Variants in TASOR observed in about 807,000 individuals in gnomAD.
TASOR encodes the protein transcription activation suppressor, also known as protein TASOR.
Under a neutral mutation model 178.6 loss-of-function variants are expected in TASOR, and 53 were observed. That is an observed-to-expected ratio of 0.30 (90% CI 0.24 to 0.37). The LOEUF (loss-of-function observed/expected upper bound fraction) is 0.37, where lower values mean the gene tolerates loss of function less well. Among genes scored for constraint, TASOR ranks in the 10% least tolerant of loss-of-function variants. TASOR has a pLI of 1.00. For synonymous variants in TASOR, 713 were observed against 696.2 expected (o/e 1.02, Z -0.38); for missense variants, 1,815 against 1,971.4 (o/e 0.92, Z 1.50).
At position 56,633,507 on chromosome 3, in the gene TASOR, T is replaced by G. The variant is rs768319256; in HGVS notation, c.3284A>C (p.Lys1095Thr). Residue 1095 changes from lysine (K) to threonine (T), a missense_variant, in exon 18 of 24, where the codon AAG becomes ACG. Physicochemically the swap from Lys to Thr is moderately conservative, Grantham distance 78 (BLOSUM62 -1). Transcript: ENST00000683822. ...LNTIIIKASA[K>T]GGNLPPVSPN... The stretch of plus-strand genomic sequence containing the variant: ...ACTGACTGGTGGCAAATTCCCACCC[T>G]TGGCTGATGCTTTAATAATAATAGT... 6.2e-7 allele frequency: 1 copy of G among 1,614,202 alleles called. No homozygotes were observed.
rs574025944 is a variant in TASOR at position 56,642,022 on chromosome 3, GT to G, written c.2216-271del. ...CTCATGCATTAGGTTTTAAATATGT[GT>G]ATTAATAACTACCATCAAAATCTCA... On this transcript the variant is annotated intron_variant, in intron 14 of 23. Transcript: ENST00000683822. Among the ~76,000 whole-genome samples the G allele has an allele frequency of 1.7e-3, 265 of 152,240 alleles. 1 individual carries two copies. Among genetic ancestry groups the G allele is most frequent in the Non-Finnish European group, 2.7e-3 (184 of 68,028 alleles).
chr3:56,649,502 C>T (rs922644142), intron 11 of TASOR, among the ~76,000 whole-genome samples: 1 of 152,212 alleles, frequency 6.6e-6, no homozygotes, highest in Non-Finnish European at 1.5e-5. Flanking sequence ...CATAATCTAA[C>T]TGCACACATA....
At chr3:56,635,193 C>T (rs754938634) in intron 17 of TASOR, among the ~76,000 whole-genome samples, 1 of 152,206 alleles carries the variant, frequency 6.6e-6, no homozygotes, top group African/African-American at 2.4e-5. Flanking sequence ...TGGTGGTTAT[C>T]ATGAACCAGT....
At position 56,683,225 on chromosome 3, in the gene TASOR, G is replaced by A. The variant is rs1361302195; in HGVS notation, c.-219C>T. ...CGGTCCTCGGAGCCGCTCCTCCCTC[G>A]GGCAGTTCTTCTGCCTTCCCCCGCC... On this transcript the variant is annotated 5_prime_UTR_variant, in exon 1 of 24. Coordinates refer to ENST00000683822, the MANE Select transcript of TASOR (RefSeq NM_001365635.2). The A allele has an allele frequency of 6.1e-6, 3 of 488,556 alleles. No homozygotes were observed. Among genetic ancestry groups the A allele is most frequent in the Non-Finnish European group, 1.1e-5 (3 of 280,886 alleles). 30.3% of individuals were successfully genotyped at this position (488,556 alleles called of 1,614,324 possible).
At chr3:56,627,179 A>C in intron 20 of TASOR, 34 bp from the exon 21 acceptor site, 1 of 1,196,638 alleles carries the variant, frequency 8.4e-7, no homozygotes, top group Non-Finnish European at 1.2e-6. Flanking sequence ...TTTTAATTCA[A>C]TAAATAATCA....
At position 56,669,876 on chromosome 3, in the gene TASOR, C is replaced by G; in HGVS notation, c.644-85G>C. 3 of 1,077,694 alleles carry G rather than the reference C, an allele frequency of 2.8e-6. No individual in the cohort carries two copies. In the South Asian group the frequency reaches 4.7e-5, roughly 17 times the overall value. 66.8% of individuals were successfully genotyped at this position (1,077,694 alleles called of 1,614,324 possible). A position where few individuals can be genotyped will look rare whatever the true frequency, so the allele number is the denominator to read the frequency against. On this transcript the variant is annotated intron_variant, in intron 4 of 23. Coordinates refer to ENST00000683822, the MANE Select transcript of TASOR (RefSeq NM_001365635.2). ...AATAAGACATTTTTAAGAAGTTATC[C>G]TTCATCAATTTGAGGTGTTCAAAAA... is the stretch of plus-strand genomic sequence containing the variant.
intron 13 of TASOR, among the ~76,000 whole-genome samples, chr3:56,647,790 C>G (rs534066434): frequency 2.6e-5 from 4 of 152,326 alleles, no homozygotes; most frequent in East Asian, 1.9e-4. Flanking sequence ...TGTCTTATAT[C>G]AGTGCCAAAA....
At chr3:56,623,989 T>G (rs1280255744) in intron 23 of TASOR, 1 of 646,632 alleles carries the variant, frequency 1.5e-6, no homozygotes, top group Non-Finnish European at 2.5e-6. Flanking sequence ...CAAAAGTACA[T>G]CTTTCATTTT....
chr3:56,679,274 G>C (rs761910038), intron 1 of TASOR, among the ~76,000 whole-genome samples: 26 of 152,298 alleles, frequency 1.7e-4, no homozygotes, highest in Middle Eastern at 3.4e-3. Context: ...TACTTTAGGA[G>C]TGGGTACTTC....
chr3:56,648,249 C>G lies in TASOR; in HGVS notation c.1513+573G>C, dbSNP rs1011480455. ...ATCTCTAAAATAAATAAAAAGTAAC[C>G]ATCATAACTAAGCTACAGTACTATA... On this transcript the variant is annotated intron_variant, in intron 13 of 23. Coordinates refer to ENST00000683822, the MANE Select transcript of TASOR (RefSeq NM_001365635.2). 1.4e-4 allele frequency among the ~76,000 whole-genome samples: 21 copies of G among 152,010 alleles called. 1 individual carries two copies. Among genetic ancestry groups the G allele is most frequent in the African/African-American group, 5.1e-4 (21 of 41,376 alleles).
intron 16 of TASOR, 45 bp downstream of exon 16, chr3:56,639,941 C>G: frequency 6.4e-7 from 1 of 1,552,678 alleles, no homozygotes; most frequent in Non-Finnish European, 8.7e-7. Flanking sequence ...AAACTGGTCT[C>G]TAAGTAAAAT....
intron 11 of TASOR, among the ~76,000 whole-genome samples, chr3:56,659,399 TCAGCTAAAC>T (rs2077545578): frequency 6.6e-6 from 1 of 152,206 alleles, no homozygotes; most frequent in Non-Finnish European, 1.5e-5. Context: ...CTCCTCGCCT[TCAGCTAAAC>T]CACATATACT....
intron 16 of TASOR, 101 bp downstream of exon 16, chr3:56,639,885 C>A (rs1394755619): frequency 1.0e-6 from 1 of 995,276 alleles, no homozygotes; most frequent in Non-Finnish European, 1.5e-6. Flanking sequence ...AGATGAAGCA[C>A]CTAGTGACCC....
At chr3:56,673,986 T>G (rs1173671808) in intron 1 of TASOR, among the ~76,000 whole-genome samples, 1 of 152,126 alleles carries the variant, frequency 6.6e-6, no homozygotes, top group Non-Finnish European at 1.5e-5. Context: ...TTGCAAACCT[T>G]AGGCATGCTA....
chr3:56,648,386 G>A (rs7649872), intron 13 of TASOR, among the ~76,000 whole-genome samples: 28,131 of 151,626 alleles, frequency 0.19, 3,433 homozygotes, highest in South Asian at 0.41. Flanking sequence ...CCAGCACTTT[G>A]GGAGACCGAG....
chr3:56,647,257 C>T, intron 13 of TASOR, 34 bp from the exon 14 acceptor site: 1 of 1,475,812 alleles, frequency 6.8e-7, no homozygotes, highest in Non-Finnish European at 9.0e-7. Flanking sequence ...AAAAGCAAAC[C>T]ATGTTAGCAA....
chr3:56,670,242 T>G, intron 3 of TASOR, 97 bp from the exon 4 acceptor site: 1 of 686,354 alleles, frequency 1.5e-6, no homozygotes, highest in Non-Finnish European at 2.4e-6. Context: ...AAACAAAGCT[T>G]CTTAACTATG....
At chr3:56,642,747 G>T (rs1005990413) in intron 14 of TASOR, among the ~76,000 whole-genome samples, 7 of 152,046 alleles carry the variant, frequency 4.6e-5, no homozygotes, top group Admixed American at 3.3e-4. Flanking sequence ...GGCTGAGGTG[G>T]GCAGATCACA....
At chr3:56,625,863 C>T (rs773811825) in intron 21 of TASOR, among the ~76,000 whole-genome samples, 1 of 152,040 alleles carries the variant, frequency 6.6e-6, no homozygotes, top group Non-Finnish European at 1.5e-5. Flanking sequence ...ACCTTGTGAT[C>T]CACCCGCCTC....
Sources: allele counts gnomAD v4.1 joint callset (sites outside exome capture counted in the v4.1 genomes callset), GRCh38; gene constraint gnomAD v4.1.1; transcripts MANE v1.5; gene names NCBI Gene and HGNC (gene_info 2026-07-23, HGNC 2026-07-21).